The following RALGAPA2 variants were observed in gnomAD, a reference collection of about 807,000 sequenced individuals.
The protein encoded by RALGAPA2 is ral GTPase-activating protein subunit alpha-2.
In RALGAPA2, 139 loss-of-function variants were observed where a neutral mutation model predicts 230.4. The observed-to-expected ratio is 0.60, with a 90% confidence interval of 0.53 to 0.69. RALGAPA2 has a LOEUF of 0.69. Among genes scored for constraint, RALGAPA2 ranks in the 30% least tolerant of loss-of-function variants. RALGAPA2 has a pLI of 0.00. For missense variants in RALGAPA2, 2,163 were observed against 2,276.0 expected, an observed-to-expected ratio of 0.95 and a Z score of 1.01; for synonymous variants, 847 against 837.8, an observed-to-expected ratio of 1.01 and a Z score of -0.19.
rs1200 is a variant in RALGAPA2, at chr20:20,391,297, A to G, written c.*1992T>C. On this transcript the variant is annotated 3_prime_UTR_variant, in exon 40 of 40. Transcript: ENST00000202677. ...CTGGAATCATTTAAAATAAAGGGGC[A>G]TTTGCTGACACCACAGAAAATGCCA... 0.092 allele frequency: 13,985 copies of G among 152,154 alleles called. 1,058 individuals are homozygous for G. The highest frequency in any genetic ancestry group is 0.21 in the African/African-American group (8,893 of 41,478). 9.4% of individuals were successfully genotyped at this position (152,154 alleles called of 1,614,324 possible). A position where few individuals can be genotyped will look rare whatever the true frequency, so the allele number is the denominator to read the frequency against.
chr20:20,593,146 G>C (rs1315070970), intron 16 of RALGAPA2, among the ~76,000 whole-genome samples: 1 of 152,172 alleles, frequency 6.6e-6, no homozygotes, highest in South Asian at 2.1e-4. Context: ...CAAGTAGTCC[G>C]CCCACCTCGG....
chr20:20,635,720 CTAAA>C, intron 8 of RALGAPA2, 103 bp from the exon 9 acceptor site: 4 of 1,024,054 alleles, frequency 3.9e-6, no homozygotes, highest in East Asian at 2.8e-5. Flanking sequence ...TTTTGGTTGT[CTAAA>C]TAGCAACTAA....
intron 23 of RALGAPA2, among the ~76,000 whole-genome samples, chr20:20,566,198 C>T (rs2064416681): frequency 6.6e-6 from 1 of 152,204 alleles, no homozygotes. Context: ...CTCTGCTGGA[C>T]AGAACCTGGG....
In RALGAPA2 at chr20:20,647,441, G is replaced by T. The variant is rs1257861724; in HGVS notation, c.329-3892C>A. ...GATCCACACTAAGCATGAGGAACCA[G>T]CATTCCACTAAAAAATTTGAAATTA... On this transcript the variant is annotated intron_variant, in intron 4 of 39. Coordinates refer to ENST00000202677, the MANE Select transcript of RALGAPA2 (RefSeq NM_020343.4). 2.0e-5 allele frequency among the ~76,000 whole-genome samples: 3 copies of T among 152,106 alleles called. No homozygotes were observed. The East Asian group carries it at 5.8e-4, about 29-fold the overall frequency.
At chr20:20,405,048 T>C (rs1212030017) in intron 38 of RALGAPA2, among the ~76,000 whole-genome samples, 1 of 152,216 alleles carries the variant, frequency 6.6e-6, no homozygotes, top group African/African-American at 2.4e-5. Flanking sequence ...TTTATTTTTG[T>C]CCATGGGCCT....
At position 20,392,949 on chromosome 20, in the gene RALGAPA2, G is replaced by C; in HGVS notation, c.*340C>G. ...AGAGCAGCCACACCAGTGCCCACGTGTCAGTGGGTTCATCTCTGGTTTTTG... is the reference window on the plus strand; with the variant it reads ...AGAGCAGCCACACCAGTGCCCACGTCTCAGTGGGTTCATCTCTGGTTTTTG... On this transcript the variant is annotated 3_prime_UTR_variant, in exon 40 of 40. Transcript: ENST00000202677. 1 of 684,436 alleles carries C rather than the reference G, an allele frequency of 1.5e-6. No individual in the cohort carries two copies. Among genetic ancestry groups the C allele is most frequent in the Non-Finnish European group, 2.1e-6 (1 of 469,614 alleles). The allele number at this position is 684,436 out of a possible 1,614,324, so 42.4% of individuals were successfully genotyped here. A position where few individuals can be genotyped will look rare whatever the true frequency, so the allele number is the denominator to read the frequency against.
At chr20:20,668,507 T>A (rs915195614) in intron 3 of RALGAPA2, among the ~76,000 whole-genome samples, 3 of 152,344 alleles carry the variant, frequency 2.0e-5, no homozygotes, top group African/African-American at 7.2e-5. Context: ...TATGTCCTTG[T>A]CCCTCTTCCA....
intron 1 of RALGAPA2, among the ~76,000 whole-genome samples, chr20:20,687,465 T>C (rs1233590689): frequency 6.6e-6 from 1 of 151,874 alleles, no homozygotes; most frequent in Non-Finnish European, 1.5e-5. Context: ...CTGACTTGCT[T>C]TGGCCAAAAA....
intron 23 of RALGAPA2, among the ~76,000 whole-genome samples, chr20:20,565,509 A>T (rs1015414257): frequency 1.2e-4 from 19 of 152,180 alleles, no homozygotes; most frequent in African/African-American, 4.6e-4. Context: ...CTTTTTACAA[A>T]CGACTGTTTA....
chr20:20,664,780 T>A (rs573926114), intron 3 of RALGAPA2, among the ~76,000 whole-genome samples: 1 of 152,240 alleles, frequency 6.6e-6, no homozygotes, highest in Admixed American at 6.5e-5. Context: ...CACTACTTGG[T>A]TCCCACCACC....
chr20:20,624,504 T>C (rs186266498), intron 10 of RALGAPA2, among the ~76,000 whole-genome samples: 6 of 152,126 alleles, frequency 3.9e-5, no homozygotes, highest in Admixed American at 2.6e-4. Context: ...TCTGTGTAAA[T>C]ACAGAATCAA....
chr20:20,584,870 T>C lies in RALGAPA2; in HGVS notation c.2525A>G (p.Gln842Arg). 1 of 1,605,016 alleles carries C rather than the reference T, an allele frequency of 6.2e-7. No individual in the cohort carries two copies. Among genetic ancestry groups the C allele is most frequent in the Non-Finnish European group, 8.5e-7 (1 of 1,172,594 alleles). Residue 842 changes from glutamine to arginine, a missense_variant, in exon 19 of 40, where the codon CAG becomes CGG. Coordinates refer to ENST00000202677, the MANE Select transcript of RALGAPA2 (RefSeq NM_020343.4). ...AGACATTTCCCGGAACTTACTCTTC[T>C]GTCTTTCCCTACATTTTCCTTGTGT... The part of the protein sequence containing the change: ...QQTQGKCRER[Q>R]KSESTNSDTT...
At chr20:20,510,982 G>A (rs998324905) in intron 33 of RALGAPA2, among the ~76,000 whole-genome samples, 2 of 152,116 alleles carry the variant, frequency 1.3e-5, no homozygotes, top group Non-Finnish European at 2.9e-5. Context: ...GATCAAATGA[G>A]AATAAATTTC....
chr20:20,631,750 C>G (rs569496806), intron 9 of RALGAPA2, among the ~76,000 whole-genome samples: 1 of 152,206 alleles, frequency 6.6e-6, no homozygotes, highest in Non-Finnish European at 1.5e-5. Context: ...CAGTAAGAAA[C>G]TAACACAACA....
intron 4 of RALGAPA2, among the ~76,000 whole-genome samples, chr20:20,647,884 A>T (rs1157961618): frequency 6.6e-6 from 1 of 152,238 alleles, no homozygotes; most frequent in Non-Finnish European, 1.5e-5. Flanking sequence ...AACGTGGAGT[A>T]ACTGGAGCTC....
Position 20,412,107 on chromosome 20 carries a change from T to C in RALGAPA2, c.5537A>G (p.Asn1846Ser), listed in dbSNP as rs756129009. 1 of 1,613,998 alleles carries C rather than the reference T, an allele frequency of 6.2e-7. No homozygotes were observed. The highest frequency in any genetic ancestry group is 8.5e-7 in the Non-Finnish European group (1 of 1,179,890). ...CTCGAATGTCATTACTTCGCGGTGG[T>C]TCTGAATTATTGCTTCGAGATACAG... ...RALYLEAIIQ[N>S]HREVMTFEDF... is the part of the protein sequence containing the mutation. Residue 1846 changes from asparagine (N) to serine (S), a missense_variant, in exon 38 of 40, where the codon AAC (asparagine) becomes AGC (serine). By Grantham distance (46) the Asn-to-Ser change is conservative. Transcript: ENST00000202677.
chr20:20,534,532 AG>A (rs1308162065), intron 26 of RALGAPA2, among the ~76,000 whole-genome samples: 1 of 151,920 alleles, frequency 6.6e-6, no homozygotes, highest in East Asian at 1.9e-4. Flanking sequence ...TTCCTAGAAA[AG>A]TTTGGTTTAT....
At chr20:20,490,547 A>T (rs944630232) in intron 36 of RALGAPA2, among the ~76,000 whole-genome samples, 3 of 152,208 alleles carry the variant, frequency 2.0e-5, no homozygotes, top group Non-Finnish European at 4.4e-5. Context: ...GGCATGATTT[A>T]ATCTTAAACA....
At chr20:20,432,189 A>G (rs1490156445) in intron 37 of RALGAPA2, among the ~76,000 whole-genome samples, 2 of 152,094 alleles carry the variant, frequency 1.3e-5, no homozygotes, top group Non-Finnish European at 2.9e-5. Flanking sequence ...TCCCTTGATG[A>G]CCCGACCACT....
Sources: gnomAD v4.1 joint callset for allele counts (sites outside exome capture counted in the v4.1 genomes callset) on GRCh38, gnomAD v4.1.1 for gene constraint, MANE v1.5 for transcripts, NCBI Gene and HGNC (gene_info 2026-07-23, HGNC 2026-07-21) for gene names.